The following NCKAP5 variants were observed in gnomAD, a reference collection of about 807,000 sequenced individuals.
NCKAP5 encodes NCK associated protein 5.
NCKAP5 carries 92 observed loss-of-function variants against 167.0 expected under a neutral mutation model. The ratio of observed to expected loss-of-function variants is 0.55; its 90% CI spans 0.47 to 0.66. The LOEUF is 0.66. Among genes scored for constraint, NCKAP5 ranks in the 30% least tolerant of loss-of-function variants. NCKAP5 has a pLI of 0.00. For synonymous variants in NCKAP5, 891 were observed against 877.4 expected (o/e 1.02, Z -0.27); for missense variants, 2,378 against 2,315.0 (o/e 1.03, Z -0.56).
At chr2:132,758,910 C>T (rs573919015) in intron 16 of NCKAP5, among the ~76,000 whole-genome samples, 14 of 152,146 alleles carry the variant, frequency 9.2e-5, no homozygotes, top group Non-Finnish European at 1.6e-4. Context: ...ATCAGCATAA[C>T]CCATCCTAAC....
chr2:133,442,442 C>G (rs1225513851), intron 3 of NCKAP5, among the ~76,000 whole-genome samples: 1 of 152,202 alleles, frequency 6.6e-6, no homozygotes, highest in Non-Finnish European at 1.5e-5. Context: ...CCTCTGACAT[C>G]TGATGAACTT....
intron 4 of NCKAP5, among the ~76,000 whole-genome samples, chr2:133,217,765 T>A (rs1015190918): frequency 6.6e-6 from 1 of 152,182 alleles, no homozygotes; most frequent in African/African-American, 2.4e-5. Flanking sequence ...CCAACTTGCC[T>A]GGCATAACAG....
chr2:132,892,491 G>A (rs1692790555), intron 8 of NCKAP5, among the ~76,000 whole-genome samples: 1 of 152,192 alleles, frequency 6.6e-6, no homozygotes, highest in Non-Finnish European at 1.5e-5. Flanking sequence ...GTGGACTAGA[G>A]TGGATTTTTC....
In NCKAP5 at chr2:133,528,913, C is replaced by T. The variant is rs75936251; in HGVS notation, c.-61-11326G>A. On this transcript the variant is annotated intron_variant, in intron 2 of 19. Transcript: ENST00000409261. ...TTGTCTTTCGGAAGAGCCCCTTTCA[C>T]ATTTGGCTGTCTCGAATGCCTAGAA... Among the ~76,000 whole-genome samples, 1,214 of 152,300 alleles carry T rather than the reference C, an allele frequency of 8.0e-3. 18 individuals carry two copies. The highest frequency in any genetic ancestry group is 0.027 in the African/African-American group (1,118 of 41,574).
intron 2 of NCKAP5, among the ~76,000 whole-genome samples, chr2:133,543,777 T>C (rs941053913): frequency 1.3e-5 from 2 of 152,244 alleles, no homozygotes; most frequent in East Asian, 3.8e-4. Flanking sequence ...AAACAATCAA[T>C]ACTTATTTCT....
At position 132,809,783 on chromosome 2, in the gene NCKAP5, C is replaced by T. The variant is rs1018171711; in HGVS notation, c.808-13054G>A. On this transcript the variant is annotated intron_variant, in intron 11 of 19. Transcript: ENST00000409261. ...ATTGAATGTTAGTATTGAGATGTGA[C>T]GTACCATTGCATTTATTGGGCTCGT... is the stretch of plus-strand genomic sequence containing the variant. 7.2e-5 allele frequency among the ~76,000 whole-genome samples: 11 copies of T among 152,214 alleles called. 1 individual carries two copies. The highest frequency in any genetic ancestry group is 6.2e-4 in the South Asian group (3 of 4,828).
At chr2:133,458,765 A>G (rs189794988) in intron 3 of NCKAP5, among the ~76,000 whole-genome samples, 89 of 152,294 alleles carry the variant, frequency 5.8e-4, no homozygotes, top group African/African-American at 2.1e-3. Context: ...GATGAAGAGG[A>G]GGCTGATAAG....
At chr2:132,948,226 C>T (rs912240654) in intron 8 of NCKAP5, among the ~76,000 whole-genome samples, 12 of 152,100 alleles carry the variant, frequency 7.9e-5, no homozygotes, top group African/African-American at 2.4e-4. Flanking sequence ...GTGGTACAAG[C>T]GGGGCTTCAA....
chr2:133,154,675 T>A (rs1384133291), intron 5 of NCKAP5, among the ~76,000 whole-genome samples: 2 of 152,234 alleles, frequency 1.3e-5, no homozygotes, highest in Non-Finnish European at 2.9e-5. Flanking sequence ...AGTGCTGGAC[T>A]GCAATTGATT....
At chr2:132,907,131 C>A (rs1694065477) in intron 8 of NCKAP5, among the ~76,000 whole-genome samples, 1 of 152,190 alleles carries the variant, frequency 6.6e-6, no homozygotes, top group African/African-American at 2.4e-5. Flanking sequence ...CTAAACATTA[C>A]TTTTAACTTA....
chr2:133,565,077 T>A (rs550009663), intron 1 of NCKAP5, among the ~76,000 whole-genome samples: 1 of 151,974 alleles, frequency 6.6e-6, no homozygotes, highest in East Asian at 1.9e-4. Flanking sequence ...GGACAGGAGG[T>A]GCATGCAAGA....
At chr2:133,499,462 ATCT>A (rs1223724559) in intron 3 of NCKAP5, among the ~76,000 whole-genome samples, 4 of 152,248 alleles carry the variant, frequency 2.6e-5, no homozygotes, top group East Asian at 1.9e-4. Context: ...AGGTGGACAC[ATCT>A]TCTTGCCACC....
chr2:133,287,850 C>T (rs1003416498), intron 4 of NCKAP5, among the ~76,000 whole-genome samples: 1 of 152,000 alleles, frequency 6.6e-6, no homozygotes, highest in Admixed American at 6.6e-5. Flanking sequence ...CAAAGGAGTG[C>T]GTGTGTAGAA....
At position 133,170,269 on chromosome 2, in the gene NCKAP5, C is replaced by A. The variant is rs1328749847; in HGVS notation, c.208-40158G>T. ...GGGCAGAGTGGGGGCAGATAGAACT[C>A]AAAAACCAGCTCTGCATCTTCCTAG... On this transcript the variant is annotated intron_variant, in intron 5 of 19. Coordinates refer to ENST00000409261, the MANE Select transcript of NCKAP5 (RefSeq NM_207363.3). 3.9e-5 allele frequency among the ~76,000 whole-genome samples: 6 copies of A among 152,060 alleles called. No homozygotes were observed. The East Asian group carries it at 1.2e-3, about 29-fold the overall frequency.
rs558707129 is a variant in NCKAP5 at position 133,313,659 on chromosome 2, T to C, written c.70-10549A>G. ...ACTTATTTTGTTTTTGTTTTTTTTTTCTGAGGTAGAAATAAAAACTAATTC... is the reference window on the plus strand; with the variant it reads ...ACTTATTTTGTTTTTGTTTTTTTTTCCTGAGGTAGAAATAAAAACTAATTC... On this transcript the variant is annotated intron_variant, in intron 3 of 19. Coordinates refer to ENST00000409261, the MANE Select transcript of NCKAP5 (RefSeq NM_207363.3). Among the ~76,000 whole-genome samples, 223 of 152,224 alleles carry C rather than the reference T, an allele frequency of 1.5e-3. 1 individual carries two copies. In the Middle Eastern group the frequency reaches 0.017, roughly 12 times the overall value.
chr2:133,551,739 CAA>C (rs1376907703), intron 2 of NCKAP5, among the ~76,000 whole-genome samples: 3 of 52,380 alleles, frequency 5.7e-5, no homozygotes, highest in Non-Finnish European at 1.0e-4. Flanking sequence ...ACAAAATTGA[CAA>C]ATGGGATCTA....
At chr2:132,690,940 A>C (rs1304461776) in intron 19 of NCKAP5, among the ~76,000 whole-genome samples, 4 of 152,032 alleles carry the variant, frequency 2.6e-5, no homozygotes, top group Non-Finnish European at 5.9e-5. Context: ...TCACTCTGCC[A>C]TTTCCCTCCA....
chr2:133,619,454 G>T, the NCKAP5 span, among the ~76,000 whole-genome samples: 1 of 151,936 alleles, frequency 6.6e-6, no homozygotes, highest in African/African-American at 2.4e-5. Flanking sequence ...GCACTGGAAA[G>T]TCTCAGCAAT....
At chr2:133,651,615 A>G in the NCKAP5 span, among the ~76,000 whole-genome samples, 4 of 152,214 alleles carry the variant, frequency 2.6e-5, no homozygotes, top group African/African-American at 9.7e-5. Context: ...AAGTTCCTCA[A>G]AAATCAAAAA....
Sources: gnomAD v4.1 joint callset for allele counts (sites outside exome capture counted in the v4.1 genomes callset) on GRCh38, gnomAD v4.1.1 for gene constraint, MANE v1.5 for transcripts, NCBI Gene and HGNC (gene_info 2026-07-23, HGNC 2026-07-21) for gene names.